Variants in TEAD2 observed in about 807,000 individuals in gnomAD.
TEAD2 encodes the protein TEA domain transcription factor 2.
A neutral mutation model predicts 61.4 loss-of-function variants in TEAD2; 51 were observed. The ratio of observed to expected loss-of-function variants is 0.83; its 90% CI spans 0.66 to 1.05. The LOEUF (loss-of-function observed/expected upper bound fraction) is 1.05. Among genes scored for constraint, TEAD2 ranks in the 50% least tolerant of loss-of-function variants. The pLI is 0.00. For synonymous variants in TEAD2, 244 were observed against 243.2 expected (o/e 1.00, Z -0.03); for missense variants, 509 against 600.0 (o/e 0.85, Z 1.58).
chr19:49,354,520 A>C (rs1972247512), intron 7 of TEAD2, among the ~76,000 whole-genome samples: 1 of 151,972 alleles, frequency 6.6e-6, no homozygotes, highest in South Asian at 2.1e-4. Context: ...GAAAAAAAAA[A>C]AAAAGCACTT....
intron 4 of TEAD2, 117 bp downstream of exon 4, chr19:49,357,135 C>T: frequency 9.7e-7 from 1 of 1,030,294 alleles, no homozygotes; most frequent in Non-Finnish European, 1.4e-6. Context: ...GGTCTCAGTC[C>T]TCCCCGCTCT....
chr19:49,353,529 G>A (rs1190635955), intron 7 of TEAD2, among the ~76,000 whole-genome samples: 2 of 152,046 alleles, frequency 1.3e-5, no homozygotes, highest in African/African-American at 2.4e-5. Flanking sequence ...CACATTCTTC[G>A]ATTTTCTGTT....
intron 5 of TEAD2, among the ~76,000 whole-genome samples, chr19:49,355,674 AAAAC>A (rs1972342656): frequency 6.6e-6 from 1 of 152,150 alleles, no homozygotes. Context: ...TAAAAATACA[AAAAC>A]TAGCCAGGTG....
rs370853855 is a variant in TEAD2, at chr19:49,357,329, G to A, written c.298-15C>T. 32 of 1,613,576 alleles carry A rather than the reference G, an allele frequency of 2.0e-5. No homozygotes were observed. In the African/African-American group the frequency reaches 3.5e-4, roughly 17 times the overall value. ...TGACTAGAAACCTGGAAGGATCAAC[G>A]GAGAAGCAGATTCAGGCCACAGCCA... On this transcript the variant is annotated splice_polypyrimidine_tract_variant and intron_variant, in intron 3 of 12. Coordinates refer to ENST00000593945, the MANE Select transcript of TEAD2 (RefSeq NM_001256660.2).
rs749509911 is a variant in TEAD2, at chr19:49,347,208, G to A, written c.903C>T (p.Phe301=). 9.3e-6 allele frequency: 15 copies of A among 1,613,832 alleles called. No individual in the cohort carries two copies. Among genetic ancestry groups the A allele is most frequent in the Non-Finnish European group, 1.3e-5 (15 of 1,179,904 alleles). The part of the protein sequence containing the change: ...ELYDRGPPHA[F]FLVKFWADLN... Reference sequence around the variant, plus strand: ...AACTCACCCAGAACTTGACCAGGAAGAAGGCATGGGGGGGGCCACGATCAT... The same window carrying A: ...AACTCACCCAGAACTTGACCAGGAAAAAGGCATGGGGGGGGCCACGATCAT... Residue 301 remains phenylalanine, a synonymous_variant, in exon 10 of 13, where the codon TTC becomes TTT. Coordinates refer to ENST00000593945, the MANE Select transcript of TEAD2 (RefSeq NM_001256660.2).
In TEAD2 at chr19:49,355,965, C is replaced by G; in HGVS notation, c.366G>C (p.Leu122=). 8.0e-7 allele frequency: 1 copy of G among 1,256,594 alleles called. No homozygotes were observed. Among genetic ancestry groups the G allele is most frequent in the South Asian group, 3.4e-5 (1 of 29,494 alleles). 77.8% of individuals were successfully genotyped at this position (1,256,594 alleles called of 1,614,324 possible). ...SREIQSKLKA[L]NVDQVSKDKA... is the part of the protein sequence containing the mutation. ...GATGGGCAGAGGAACTTACCACGTT[C>G]AGAGCCTGCCCGTGGGGGTGGGGGA... The change falls in exon 5 of 13, where the codon CTG becomes CTC. Residue 122 remains leucine, a synonymous_variant. Coordinates refer to ENST00000593945, the MANE Select transcript of TEAD2 (RefSeq NM_001256660.2).
rs772559517 is a variant in TEAD2, at chr19:49,347,289, G to A, written c.822C>T (p.Asp274=). The A allele has an allele frequency of 3.1e-5, 50 of 1,613,876 alleles. No homozygotes were observed. Among genetic ancestry groups the A allele is most frequent in the Non-Finnish European group, 4.1e-5 (48 of 1,180,026 alleles). ...GGAATTTGTCGTAGATCTGCCGGAC[G>A]TCCACACTCTCGAGCGGCGGCGCTC... The part of the protein sequence containing the change: ...SPGAPPLESV[D]VRQIYDKFPE... Residue 274 remains aspartate, a synonymous_variant, in exon 10 of 13, where the codon GAC becomes GAT. Coordinates refer to ENST00000593945, the MANE Select transcript of TEAD2 (RefSeq NM_001256660.2).
intron 1 of TEAD2, 107 bp from the exon 2 acceptor site, chr19:49,360,188 T>TG: frequency 1.2e-6 from 1 of 862,564 alleles, no homozygotes; most frequent in South Asian, 1.7e-5. Context: ...GAGGAGGGGC[T>TG]GGGGACCTGG....
chr19:49,341,578 C>T lies in TEAD2; in HGVS notation c.1243-141G>A. On this transcript the variant is annotated intron_variant, in intron 12 of 12. Coordinates refer to ENST00000593945, the MANE Select transcript of TEAD2 (RefSeq NM_001256660.2). The surrounding 1 kb of genome is among the most constrained non-coding windows in gnomAD (Gnocchi z 4.2). ...CAGGCCGCCACCATATCATGTTCCC[C>T]AGGAGAAAGGGATGCCCAAAAGTCA... 2 of 693,052 alleles carry T rather than the reference C, an allele frequency of 2.9e-6. No homozygotes were observed. Among genetic ancestry groups the T allele is most frequent in the Non-Finnish European group, 5.0e-6 (2 of 402,342 alleles). 42.9% of individuals were successfully genotyped at this position (693,052 alleles called of 1,614,324 possible).
chr19:49,358,031 G>A (rs767201779), intron 3 of TEAD2, among the ~76,000 whole-genome samples: 13 of 152,096 alleles, frequency 8.5e-5, no homozygotes, highest in Admixed American at 2.0e-4. Context: ...TCAGGAGTTC[G>A]AGACCAGCCT....
chr19:49,340,780 TAAA>T lies in TEAD2; in HGVS notation c.*541_*543del. 15 of 173,202 alleles carry T rather than the reference TAAA, an allele frequency of 8.7e-5. No homozygotes were observed. Among genetic ancestry groups the T allele is most frequent in the Non-Finnish European group, 1.8e-4 (15 of 83,394 alleles). The allele number at this position is 173,202 out of a possible 1,614,324, so 10.7% of individuals were successfully genotyped here. On this transcript the variant is annotated 3_prime_UTR_variant, in exon 13 of 13. Transcript: ENST00000593945. ...CCCACTTATAAATATCTCGTTATAT[TAAA>T]AAAAAAAAAAATGTCCAGGGCCCAC...
At chr19:49,349,032 T>G (rs1408224271) in intron 8 of TEAD2, 187 bp from the exon 9 acceptor site, 1 of 596,262 alleles carries the variant, frequency 1.7e-6, no homozygotes, top group African/African-American at 1.9e-5. Flanking sequence ...GGAAATCTGC[T>G]GGGGGGCTTC....
At chr19:49,347,137 G>A in intron 10 of TEAD2, 53 bp downstream of exon 10, 3 of 1,598,282 alleles carry the variant, frequency 1.9e-6, no homozygotes, top group Non-Finnish European at 2.6e-6. Flanking sequence ...AGAGGCCTTT[G>A]CTGGGACACC....
At chr19:49,343,750 A>C (rs1484182948) in intron 10 of TEAD2, among the ~76,000 whole-genome samples, 1 of 151,192 alleles carries the variant, frequency 6.6e-6, no homozygotes, top group Non-Finnish European at 1.5e-5. Context: ...AAAAAAAAAA[A>C]AACACAGTGG....
intron 10 of TEAD2, among the ~76,000 whole-genome samples, chr19:49,344,137 G>A (rs148701046): frequency 1.8e-4 from 27 of 151,878 alleles, no homozygotes; most frequent in Non-Finnish European, 2.6e-4. Context: ...ATGAGCCACC[G>A]CGTCAGGCTT....
At position 49,341,492 on chromosome 19, in the gene TEAD2, CT is replaced by C; in HGVS notation, c.1243-56del. On this transcript the variant is annotated intron_variant, in intron 12 of 12. Transcript: ENST00000593945. The surrounding 1 kb of genome is among the most constrained non-coding windows in gnomAD (Gnocchi z 4.2). ...TGCTTAGAAGGGAGGGCAGGGACCC[CT>C]GTGCCCCCCTGCCAAGCTATCATGG... is the stretch of plus-strand genomic sequence containing the variant. 1.4e-6 allele frequency: 2 copies of C among 1,414,858 alleles called. No individual in the cohort carries two copies. Among genetic ancestry groups the C allele is most frequent in the African/African-American group, 1.4e-5 (1 of 71,050 alleles). The allele number at this position is 1,414,858 out of a possible 1,614,324, so 87.6% of individuals were successfully genotyped here.
At chr19:49,353,721 AG>A (rs1972172773) in intron 7 of TEAD2, among the ~76,000 whole-genome samples, 1 of 148,578 alleles carries the variant, frequency 6.7e-6, no homozygotes, top group Admixed American at 6.7e-5. Flanking sequence ...CCCATTCAGC[AG>A]CAGCTCCCCA....
rs752787994 is a variant in TEAD2, at chr19:49,348,833, G to A, written c.617C>T (p.Pro206Leu). 3 of 1,573,184 alleles carry A rather than the reference G, an allele frequency of 1.9e-6. No homozygotes were observed. The highest frequency in any genetic ancestry group is 1.2e-5 in the South Asian group (1 of 86,194). ...TGGGGGCAGGGGTGAGAGGGCTTGG[G>A]GGGGCTCGTACCCTAGAGAGAGAGA... is the stretch of plus-strand genomic sequence containing the variant. ...PSTDLPGYEP[P>L]QALSPLPPPT... The change falls in exon 9 of 13, where the codon CCC becomes CTC. Residue 206 changes from proline to leucine, a missense_variant. Transcript: ENST00000593945.
At chr19:49,352,613 C>T (rs1228929652) in intron 7 of TEAD2, among the ~76,000 whole-genome samples, 2 of 152,106 alleles carry the variant, frequency 1.3e-5, no homozygotes, top group Non-Finnish European at 2.9e-5. Flanking sequence ...CTTGGCTCAC[C>T]GCAACCTCCG....
Sources: allele counts gnomAD v4.1 joint callset (sites outside exome capture counted in the v4.1 genomes callset), GRCh38; gene constraint gnomAD v4.1.1; non-coding constraint Gnocchi (gnomAD v3.1); transcripts MANE v1.5; gene names NCBI Gene and HGNC (gene_info 2026-07-23, HGNC 2026-07-21).